Variants in HIVEP1 observed in about 807,000 individuals in gnomAD.
HIVEP1 encodes zinc finger protein 40.
HIVEP1 carries 36 observed loss-of-function variants against 180.0 expected under a neutral mutation model. The observed-to-expected ratio is 0.20, with a 90% CI of 0.15 to 0.26. HIVEP1 has a LOEUF of 0.26. Ranked by LOEUF, HIVEP1 falls within the 10% of genes least tolerant of loss-of-function variation. HIVEP1 has a pLI of 1.00. For missense variants in HIVEP1, 3,143 were observed against 3,268.7 expected (o/e 0.96, Z 0.94); for synonymous variants, 1,239 against 1,239.0 (o/e 1.00, Z 0.00).
intron 7 of HIVEP1, among the ~76,000 whole-genome samples, chr6:12,147,153 A>G (rs1759424995): frequency 6.6e-6 from 1 of 152,168 alleles, no homozygotes. Flanking sequence ...GCTGGGGGAC[A>G]GGTAATAGAT....
At position 12,135,921 on chromosome 6, in the gene HIVEP1, A is replaced by G. The variant is rs374961509; in HGVS notation, c.6487+29A>G. On this transcript the variant is annotated intron_variant, in intron 7 of 8. Transcript: ENST00000379388. ...AGGCTTTATACCATATTTTTCATAA[A>G]TGCTATTTATAATGTACAATTTTTT... 3.9e-5 allele frequency: 55 copies of G among 1,423,226 alleles called. 1 individual carries two copies. The highest frequency in any genetic ancestry group is 1.8e-4 in the Middle Eastern group (1 of 5,592). The allele number at this position is 1,423,226 out of a possible 1,614,324, so 88.2% of individuals were successfully genotyped here. A position where few individuals can be genotyped will look rare whatever the true frequency, so the allele number is the denominator to read the frequency against.
chr6:12,180,116 T>C, the HIVEP1 span, among the ~76,000 whole-genome samples: 1 of 152,212 alleles, frequency 6.6e-6, no homozygotes, highest in Non-Finnish European at 1.5e-5. Flanking sequence ...CTTCACATTT[T>C]TTTTCGTTTA....
chr6:12,167,656 T>TTATATATACATATATGTGTATAA (rs1562023698), downstream of HIVEP1, among the ~76,000 whole-genome samples: 63 of 109,020 alleles, frequency 5.8e-4, 1 homozygote, highest in East Asian at 0.013. Context: ...CATATATATG[T>TTATATATACATATATGTGTATAA]TATATATACA....
At chr6:12,119,251 G>A (rs1273741573) in intron 3 of HIVEP1, among the ~76,000 whole-genome samples, 1 of 152,234 alleles carries the variant, frequency 6.6e-6, no homozygotes, top group Non-Finnish European at 1.5e-5. Flanking sequence ...GGGAGGGGAG[G>A]TTTGGAAAGT....
Position 12,124,791 on chromosome 6 carries a change from A to C in HIVEP1, c.4996A>C (p.Asn1666His). The C allele has an allele frequency of 1.9e-6, 3 of 1,614,218 alleles. No individual in the cohort carries two copies. Among genetic ancestry groups the C allele is most frequent in the Non-Finnish European group, 2.5e-6 (3 of 1,180,042 alleles). ...AATACTAGTGACCCAAGATCTGCCC[A>C]ATCAGCCAATTTGCCAGACTAATCA... ...PQILVTQDLPNQPICQTNHSV... is the reference protein window; with the variant it reads ...PQILVTQDLPHQPICQTNHSV... The change falls in exon 4 of 9, where the codon AAT becomes CAT. Residue 1666 changes from asparagine (N) to histidine (H), a missense_variant. By Grantham distance (68) the Asn-to-His change is moderately conservative (BLOSUM62 1). This residue lies in a region of HIVEP1 where 1,357 missense variants were observed against 1,260.5 expected (regional missense o/e 1.08). Transcript: ENST00000379388.
chr6:12,035,245 C>T (rs1031841665), intron 2 of HIVEP1, among the ~76,000 whole-genome samples: 1 of 152,138 alleles, frequency 6.6e-6, no homozygotes, highest in Non-Finnish European at 1.5e-5. Flanking sequence ...ACAGATTAAT[C>T]TTTCTAAGTG....
intron 2 of HIVEP1, among the ~76,000 whole-genome samples, chr6:12,017,692 A>C (rs569265886): frequency 6.6e-5 from 10 of 152,320 alleles, no homozygotes; most frequent in African/African-American, 2.4e-4. Flanking sequence ...ACAATCCCTG[A>C]GCTAGACACA....
chr6:12,049,035 C>T (rs964099088), intron 2 of HIVEP1, among the ~76,000 whole-genome samples: 1 of 151,878 alleles, frequency 6.6e-6, no homozygotes, highest in African/African-American at 2.4e-5. Context: ...TCTGGCTTAC[C>T]CAAAGGAAAA....
chr6:12,034,727 T>G (rs1337420937), intron 2 of HIVEP1, among the ~76,000 whole-genome samples: 1 of 152,216 alleles, frequency 6.6e-6, no homozygotes, highest in Non-Finnish European at 1.5e-5. Context: ...GTAAAACCTA[T>G]GCATGTATTT....
intron 3 of HIVEP1, among the ~76,000 whole-genome samples, chr6:12,090,735 C>CTTTTTTTTT (rs35266647): frequency 2.2e-4 from 18 of 82,438 alleles, no homozygotes; most frequent in African/African-American, 4.7e-4. Flanking sequence ...TATAGCCAGC[C>CTTTTTTTTT]TTTTTTTTTT....
chr6:12,069,744 AAG>A (rs1454750511), intron 2 of HIVEP1, among the ~76,000 whole-genome samples: 1 of 151,358 alleles, frequency 6.6e-6, no homozygotes, highest in African/African-American at 2.4e-5. Context: ...AATAAATAAA[AAG>A]AAAAAAATTG....
chr6:12,033,700 T>C (rs930136977), intron 2 of HIVEP1, among the ~76,000 whole-genome samples: 3 of 152,198 alleles, frequency 2.0e-5, no homozygotes, highest in Non-Finnish European at 2.9e-5. Context: ...GTATAGTTTA[T>C]CTTACTATTT....
At chr6:12,160,401 T>G (rs1003123037) in intron 7 of HIVEP1, among the ~76,000 whole-genome samples, 1 of 152,210 alleles carries the variant, frequency 6.6e-6, no homozygotes, top group Non-Finnish European at 1.5e-5. Flanking sequence ...GTAGCATCTC[T>G]CTGAGTAAAT....
At chr6:12,112,815 C>T (rs1021312956) in intron 3 of HIVEP1, among the ~76,000 whole-genome samples, 1 of 152,158 alleles carries the variant, frequency 6.6e-6, no homozygotes, top group South Asian at 2.1e-4. Context: ...TTTCCAGCCC[C>T]TCCCCCATGG....
At position 12,063,002 on chromosome 6, in the gene HIVEP1, T is replaced by C. The variant is rs1771339094; in HGVS notation, c.41-26182T>C. ...AGAATACATGTGAGTACTTTCATTCTTGTGCTAAATGTGAAGACTCCCCTG... is the reference window on the plus strand; with the variant it reads ...AGAATACATGTGAGTACTTTCATTCCTGTGCTAAATGTGAAGACTCCCCTG... On this transcript the variant is annotated intron_variant, in intron 2 of 8. Coordinates refer to ENST00000379388, the MANE Select transcript of HIVEP1 (RefSeq NM_002114.4). This position sits in a 1 kb window ranked among gnomAD's most constrained non-coding sequence, Gnocchi z 4.2. Among the ~76,000 whole-genome samples, 1 of 152,234 alleles carries C rather than the reference T, an allele frequency of 6.6e-6. No homozygotes were observed. The highest frequency in any genetic ancestry group is 6.5e-5 in the Admixed American group (1 of 15,282).
the HIVEP1 span, among the ~76,000 whole-genome samples, chr6:12,204,039 T>G: frequency 6.6e-6 from 1 of 151,374 alleles, no homozygotes; most frequent in African/African-American, 2.4e-5. Context: ...TTTGCACCAC[T>G]GCACTCCAGC....
chr6:12,098,015 C>T (rs548677665), intron 3 of HIVEP1, among the ~76,000 whole-genome samples: 10 of 152,124 alleles, frequency 6.6e-5, no homozygotes, highest in Non-Finnish European at 7.4e-5. Context: ...GAAAGACTCA[C>T]ATTCTTGTGC....
the HIVEP1 span, among the ~76,000 whole-genome samples, chr6:12,211,720 G>GA: frequency 1.3e-5 from 2 of 151,566 alleles, no homozygotes; most frequent in East Asian, 1.9e-4. Flanking sequence ...TCTCCCCAAG[G>GA]AAAAAAAATT....
chr6:12,154,907 T>C (rs2113664308), intron 7 of HIVEP1, among the ~76,000 whole-genome samples: 1 of 152,336 alleles, frequency 6.6e-6, no homozygotes, highest in East Asian at 1.9e-4. Context: ...TGGCTAGTGT[T>C]ACCAGAGAAT....
Sources: gnomAD v4.1 joint callset for allele counts (sites outside exome capture counted in the v4.1 genomes callset) on GRCh38, gnomAD v4.1.1 for gene constraint, gnomAD v4.1.1 regional missense constraint, Gnocchi (gnomAD v3.1) non-coding constraint, MANE v1.5 for transcripts, NCBI Gene and HGNC (gene_info 2026-07-23, HGNC 2026-07-21) for gene names.